Variants in TUBD1 observed in about 807,000 individuals in gnomAD.
The protein encoded by TUBD1 is tubulin delta 1, also known as tubulin delta chain.
A neutral mutation model predicts 51.2 loss-of-function variants in TUBD1; 38 were observed. The observed-to-expected ratio is 0.74, with a 90% CI of 0.57 to 0.97. The LOEUF (loss-of-function observed/expected upper bound fraction) is 0.97, where lower values mean the gene tolerates loss of function less well. Ranked by LOEUF, TUBD1 falls within the 50% of genes least tolerant of loss-of-function variation. TUBD1 has a pLI of 0.00. For missense variants in TUBD1, 489 were observed against 538.4 expected (o/e 0.91, Z 0.91); for synonymous variants, 169 against 178.2 (o/e 0.95, Z 0.41).
At chr17:59,868,901 C>A (rs2039846167) in intron 6 of TUBD1, among the ~76,000 whole-genome samples, 1 of 151,608 alleles carries the variant, frequency 6.6e-6, no homozygotes, top group African/African-American at 2.4e-5. Context: ...CACCTGTAGT[C>A]CTAGCTATAG....
At position 59,890,814 on chromosome 17, in the gene TUBD1, CT is replaced by C. The variant is rs1252816252; in HGVS notation, c.172+16del. 2 of 1,597,072 alleles carry C rather than the reference CT, an allele frequency of 1.3e-6. No individual in the cohort carries two copies. The highest frequency in any genetic ancestry group is 8.5e-7 in the Non-Finnish European group (1 of 1,172,406). ...GGTTAGATCAGAGTAAAGGAGAGGA[CT>C]GTGGGCCACACCTACCTCCATTCTC... On this transcript the variant is annotated intron_variant, in intron 2 of 8. Transcript: ENST00000325752.
intron 7 of TUBD1, among the ~76,000 whole-genome samples, chr17:59,864,312 ATTG>A (rs2144426816): frequency 6.9e-6 from 1 of 144,682 alleles, no homozygotes; most frequent in South Asian, 2.3e-4. Flanking sequence ...TGCCTGCCTA[ATTG>A]TTGTATTTTT....
At chr17:59,863,942 A>G (rs1390437401) in intron 7 of TUBD1, 95 bp from the exon 8 acceptor site, 2 of 1,121,792 alleles carry the variant, frequency 1.8e-6, no homozygotes, top group Admixed American at 7.8e-5. Context: ...TTCATCAGAG[A>G]TCTTTTATTT....
chr17:59,868,606 GA>G (rs557754784), intron 6 of TUBD1, among the ~76,000 whole-genome samples: 72 of 152,210 alleles, frequency 4.7e-4, no homozygotes, highest in South Asian at 2.3e-3. Flanking sequence ...TTGCGAGGCA[GA>G]GGGGGGGGAT....
chr17:59,871,312 GC>G (rs1210626105), intron 6 of TUBD1, among the ~76,000 whole-genome samples: 12 of 152,096 alleles, frequency 7.9e-5, no homozygotes, highest in African/African-American at 2.9e-4. Flanking sequence ...CAATTCTCCT[GC>G]CTTAGCCTCC....
chr17:59,875,888 T>A (rs1437983085), intron 5 of TUBD1, among the ~76,000 whole-genome samples: 1 of 152,172 alleles, frequency 6.6e-6, no homozygotes, highest in East Asian at 1.9e-4. Context: ...TCCTTTACAT[T>A]TACAGCTGTC....
At chr17:59,866,876 C>G (rs2039729733) in intron 6 of TUBD1, 127 bp from the exon 7 acceptor site, 2 of 693,434 alleles carry the variant, frequency 2.9e-6, no homozygotes, top group South Asian at 2.0e-5. Flanking sequence ...CTCCATCTCC[C>G]AGGATCAAGC....
At chr17:59,869,612 T>C (rs921272225) in intron 6 of TUBD1, among the ~76,000 whole-genome samples, 1 of 152,188 alleles carries the variant, frequency 6.6e-6, no homozygotes, top group African/African-American at 2.4e-5. Context: ...GAACATTGTG[T>C]TCCTTGTGGT....
intron 3 of TUBD1, among the ~76,000 whole-genome samples, chr17:59,883,490 A>G (rs2040581921): frequency 6.6e-6 from 1 of 151,004 alleles, no homozygotes; most frequent in Admixed American, 6.6e-5. Context: ...CTGGTCTCAA[A>G]CTCCTTTCCT....
At chr17:59,885,755 A>C (rs1466889938) in intron 3 of TUBD1, among the ~76,000 whole-genome samples, 1 of 152,188 alleles carries the variant, frequency 6.6e-6, no homozygotes, top group Non-Finnish European at 1.5e-5. Flanking sequence ...TGTGCAGCAA[A>C]GTTTGGGAAC....
intron 4 of TUBD1, 200 bp from the exon 5 acceptor site, chr17:59,878,534 G>C (rs2040332678): frequency 2.0e-6 from 1 of 510,036 alleles, no homozygotes; most frequent in African/African-American, 1.9e-5. Context: ...GCCCAGGCTG[G>C]AGTACAGTGG....
chr17:59,891,141 T>G (rs1489527191), intron 1 of TUBD1, 100 bp from the exon 2 acceptor site: 4 of 663,230 alleles, frequency 6.0e-6, no homozygotes, highest in Non-Finnish European at 9.8e-6. Flanking sequence ...AAGTCTTTTT[T>G]CCCCCCTGAG....
chr17:59,862,691 C>G (rs1326463871), intron 8 of TUBD1, among the ~76,000 whole-genome samples: 4 of 144,808 alleles, frequency 2.8e-5, no homozygotes, highest in Non-Finnish European at 4.5e-5. Flanking sequence ...AGGCACCCAC[C>G]ACTATGCCAA....
intron 6 of TUBD1, among the ~76,000 whole-genome samples, chr17:59,870,465 C>T (rs983574321): frequency 1.3e-5 from 2 of 151,144 alleles, no homozygotes; most frequent in African/African-American, 4.9e-5. Context: ...GCAGTGAGAG[C>T]CCCTTCCCCA....
At chr17:59,863,088 G>A (rs1004900652) in intron 8 of TUBD1, among the ~76,000 whole-genome samples, 1 of 152,184 alleles carries the variant, frequency 6.6e-6, no homozygotes, top group South Asian at 2.1e-4. Context: ...CTTTAATAAT[G>A]TCAAACAATT....
chr17:59,885,105 C>T (rs559745711), intron 3 of TUBD1: 6 of 347,424 alleles, frequency 1.7e-5, no homozygotes, highest in East Asian at 8.0e-5. Flanking sequence ...GACAGCCTCC[C>T]GCATAACCAA....
At chr17:59,870,491 G>A (rs2039935284) in intron 6 of TUBD1, among the ~76,000 whole-genome samples, 1 of 151,916 alleles carries the variant, frequency 6.6e-6, no homozygotes, top group African/African-American at 2.4e-5. Context: ...TGCAGTAGGA[G>A]GAGTGCGCTC....
At position 59,886,140 on chromosome 17, in the gene TUBD1, T is replaced by G. The variant is rs201986736; in HGVS notation, c.263A>C (p.Tyr88Ser). 6.2e-7 allele frequency: 1 copy of G among 1,613,932 alleles called. No individual in the cohort carries two copies. The highest frequency in any genetic ancestry group is 8.5e-7 in the Non-Finnish European group (1 of 1,180,026). ...SKAAQSGQWK[Y>S]GQHACFCQKQ... ...TTGACAGAAGCATGCATGTTGACCA[T>G]ATTTCCATTGGCCAGACTGGGCAGC... The change falls in exon 3 of 9, where the codon TAT becomes TCT. Residue 88 changes from tyrosine to serine, a missense_variant. Tyr to Ser is a moderately radical substitution (Grantham distance 144). Transcript: ENST00000325752.
At chr17:59,862,152 T>C (rs964605775) in intron 8 of TUBD1, among the ~76,000 whole-genome samples, 5 of 151,028 alleles carry the variant, frequency 3.3e-5, no homozygotes, top group Non-Finnish European at 1.5e-5. Context: ...GGAGAAACCC[T>C]GTCTCTACTA....
Sources: allele counts gnomAD v4.1 joint callset (sites outside exome capture counted in the v4.1 genomes callset), GRCh38; gene constraint gnomAD v4.1.1; transcripts MANE v1.5; gene names NCBI Gene and HGNC (gene_info 2026-07-23, HGNC 2026-07-21).